The following MYH1 variants were observed in gnomAD, a reference collection of about 807,000 sequenced individuals.
MYH1 encodes the protein myosin-1.
In MYH1, 214 loss-of-function variants were observed where a neutral mutation model predicts 225.6. The observed-to-expected ratio is 0.95, with a 90% CI of 0.85 to 1.06. MYH1 has a LOEUF of 1.06. Ranked by LOEUF, MYH1 falls within the 50% of genes least tolerant of loss-of-function variation. The pLI, the probability that MYH1 is intolerant of heterozygous loss-of-function variation, is 0.00. For missense variants in MYH1, 2,098 were observed against 2,344.2 expected (o/e 0.89, Z 2.17); for synonymous variants, 774 against 842.3 (o/e 0.92, Z 1.40).
At chr17:10,495,408 A>T (rs1212657548) in intron 35 of MYH1, 91 bp from the exon 36 acceptor site, 3 of 1,443,204 alleles carry the variant, frequency 2.1e-6, no homozygotes, top group Non-Finnish European at 2.9e-6. Flanking sequence ...TAATTAACTA[A>T]ATGAATTCAT....
At position 10,515,973 on chromosome 17, in the gene MYH1, G is replaced by T; in HGVS notation, c.458C>A (p.Pro153His). ...YRGKKRQEAPPHIFSISDNAY... is the reference protein window; with the variant it reads ...YRGKKRQEAPHHIFSISDNAY... The stretch of plus-strand genomic sequence containing the variant: ...ATTGTCAGAGATGGAGAAGATGTGG[G>T]GTGGGGCCTCCTGGCGCTTTTTGCC... The change falls in exon 5 of 40, where the codon CCC becomes CAC. Residue 153 changes from proline (P) to histidine (H), a missense_variant. Physicochemically the swap from Pro to His is moderately conservative, Grantham distance 77. Transcript: ENST00000226207. 1.2e-6 allele frequency: 2 copies of T among 1,614,188 alleles called. No homozygotes were observed. Among genetic ancestry groups the T allele is most frequent in the Non-Finnish European group, 1.7e-6 (2 of 1,180,030 alleles).
Position 10,505,204 on chromosome 17 carries a change from C to T in MYH1, c.2394G>A (p.Gly798=), listed in dbSNP as rs765492937. 2 of 1,614,222 alleles carry T rather than the reference C, an allele frequency of 1.2e-6. No individual in the cohort carries two copies. The highest frequency in any genetic ancestry group is 1.7e-6 in the Non-Finnish European group (2 of 1,180,040). The change falls in exon 21 of 40, where the codon GGG becomes GGA. Residue 798 remains glycine (G), a synonymous_variant. Coordinates refer to ENST00000226207, the MANE Select transcript of MYH1 (RefSeq NM_005963.4). ...LITRTQAMCR[G]FLARVEYQKM... ...TCTGGTACTCCACTCTTGCCAAGAA[C>T]CCTCTGCACATGGCCTGGGTTCGGG...
intron 16 of MYH1, 61 bp from the exon 17 acceptor site, chr17:10,508,017 T>TG (rs879144921): frequency 1.1e-5 from 13 of 1,168,130 alleles, no homozygotes; most frequent in East Asian, 3.2e-5. Context: ...TTTTTTTTTT[T>TG]GTTTTTTTTT....
intron 14 of MYH1, among the ~76,000 whole-genome samples, chr17:10,511,353 C>T (rs1283356893): frequency 6.6e-6 from 1 of 152,092 alleles, no homozygotes; most frequent in East Asian, 1.9e-4. Context: ...CATTTCTCGG[C>T]AAACAGAATC....
intron 15 of MYH1, 94 bp downstream of exon 15, chr17:10,509,391 G>C: frequency 6.4e-7 from 1 of 1,570,960 alleles, no homozygotes; most frequent in Non-Finnish European, 8.7e-7. Flanking sequence ...TTCACAAGTA[G>C]AAATATTTAG....
intron 39 of MYH1, among the ~76,000 whole-genome samples, chr17:10,494,034 T>A (rs1233711772): frequency 6.6e-6 from 1 of 152,224 alleles, no homozygotes; most frequent in African/African-American, 2.4e-5. Context: ...ACCTTATTGT[T>A]CTTACCATGG....
chr17:10,502,419 T>TTTGCACATAGCCCC (rs2073068053), intron 24 of MYH1, among the ~76,000 whole-genome samples: 2 of 152,332 alleles, frequency 1.3e-5, no homozygotes, highest in South Asian at 4.1e-4. Context: ...CTTCTTTCTT[T>TTTGCACATAGCCCC]TTGCACATAG....
intron 36 of MYH1, 33 bp from the exon 37 acceptor site, chr17:10,495,134 A>C (rs2142253760): frequency 6.2e-7 from 1 of 1,614,200 alleles, no homozygotes; most frequent in Non-Finnish European, 8.5e-7. Flanking sequence ...GGGTTAAGAC[A>C]GCTAAGACAG....
rs979734675 is a variant in MYH1 at position 10,505,885 on chromosome 17, C to T, written c.2101G>A (p.Gly701Ser). Residue 701 changes from glycine (G) to serine (S), a missense_variant, in exon 19 of 40, where the codon GGT (glycine) becomes AGT (serine). Coordinates refer to ENST00000226207, the MANE Select transcript of MYH1 (RefSeq NM_005963.4). ...CAGATGCGGATGCCTTCCAGCACAC[C>T]GTTACACCTCAGCTGATGCAGGACA... is the stretch of plus-strand genomic sequence containing the variant. ...ELVLHQLRCNGVLEGIRICRK... is the reference protein window; with the variant it reads ...ELVLHQLRCNSVLEGIRICRK... 12 of 1,614,080 alleles carry T rather than the reference C, an allele frequency of 7.4e-6. No individual in the cohort carries two copies. Among genetic ancestry groups the T allele is most frequent in the South Asian group, 2.2e-5 (2 of 91,078 alleles).
At chr17:10,507,456 T>C (rs565420218) in intron 17 of MYH1, among the ~76,000 whole-genome samples, 17 of 152,326 alleles carry the variant, frequency 1.1e-4, no homozygotes, top group African/African-American at 3.6e-4. Context: ...TTCTATCTTA[T>C]AGCTTTCAAA....
chr17:10,513,038 A>G, intron 9 of MYH1, 73 bp from the exon 10 acceptor site: 1 of 990,448 alleles, frequency 1.0e-6, no homozygotes, highest in South Asian at 1.5e-5. Flanking sequence ...AGGACTTGGG[A>G]TCATTAGCTA....
chr17:10,507,865 C>G, intron 17 of MYH1, 21 bp downstream of exon 17: 1 of 1,597,770 alleles, frequency 6.3e-7, no homozygotes, highest in African/African-American at 1.3e-5. Flanking sequence ...TCTAATTAGA[C>G]AGAGAAAATG....
chr17:10,513,231 C>A (rs1316049312), intron 9 of MYH1, among the ~76,000 whole-genome samples: 3 of 152,186 alleles, frequency 2.0e-5, no homozygotes, highest in Admixed American at 6.5e-5. Flanking sequence ...AGTCCTGAGA[C>A]TCCCTCTGCA....
chr17:10,513,523 G>A, intron 9 of MYH1, 103 bp downstream of exon 9: 1 of 1,133,596 alleles, frequency 8.8e-7, no homozygotes. Flanking sequence ...TTTGGCAGCA[G>A]ACTGGTGCTT....
chr17:10,500,125 A>G (rs1597436550), intron 28 of MYH1, among the ~76,000 whole-genome samples: 1 of 152,202 alleles, frequency 6.6e-6, no homozygotes, highest in African/African-American at 2.4e-5. Context: ...TGGAGTAAAC[A>G]TTCTTGGACA....
intron 5 of MYH1, 106 bp from the exon 6 acceptor site, chr17:10,515,001 T>G (rs1597444081): frequency 3.1e-6 from 3 of 967,912 alleles, no homozygotes; most frequent in South Asian, 1.4e-5. Flanking sequence ...TTCAGTGGGG[T>G]TTTTCAATAT....
chr17:10,510,894 T>C (rs1342606326), intron 14 of MYH1, among the ~76,000 whole-genome samples: 6 of 152,028 alleles, frequency 3.9e-5, no homozygotes. Flanking sequence ...AATTTTATAC[T>C]TTAAATAGGT....
intron 28 of MYH1, among the ~76,000 whole-genome samples, chr17:10,500,030 G>T (rs936219189): frequency 1.1e-4 from 16 of 152,166 alleles, no homozygotes; most frequent in African/African-American, 3.9e-4. Context: ...TTACTTGAAT[G>T]CTTCTCAGCT....
At chr17:10,503,851 G>T (rs2073081803) in intron 22 of MYH1, among the ~76,000 whole-genome samples, 2 of 152,178 alleles carry the variant, frequency 1.3e-5, no homozygotes, top group African/African-American at 4.8e-5. Context: ...TTAAACAGAA[G>T]TTTTATAATA....
Sources: allele counts gnomAD v4.1 joint callset (sites outside exome capture counted in the v4.1 genomes callset), GRCh38; gene constraint gnomAD v4.1.1; transcripts MANE v1.5; gene names NCBI Gene and HGNC (gene_info 2026-07-23, HGNC 2026-07-21).